Variants in WDPCP observed in about 807,000 individuals in gnomAD.
WDPCP encodes the protein WD repeat containing planar cell polarity effector.
Under a neutral mutation model 93.1 loss-of-function variants are expected in WDPCP, and 71 were observed. The observed-to-expected ratio is 0.76, with a 90% CI of 0.63 to 0.93. WDPCP has a LOEUF of 0.93. Ranked by LOEUF, WDPCP falls within the 40% of genes least tolerant of loss-of-function variation. The pLI, the probability that WDPCP is intolerant of heterozygous loss-of-function variation, is 0.00. For missense variants in WDPCP, 844 were observed against 887.4 expected (o/e 0.95, Z 0.62); for synonymous variants, 315 against 315.0 (o/e 1.00, Z 0.00).
At chr2:63,659,916 T>C (rs17039904) in intron 2 of WDPCP, among the ~76,000 whole-genome samples, 2,707 of 152,292 alleles carry the variant, frequency 0.018, 67 homozygotes, top group African/African-American at 0.059. Flanking sequence ...CTTTTCGTTT[T>C]AATAATCCAA....
chr2:63,330,166 C>T (rs1468967223), intron 12 of WDPCP, among the ~76,000 whole-genome samples: 1 of 152,150 alleles, frequency 6.6e-6, no homozygotes, highest in Non-Finnish European at 1.5e-5. Context: ...AACCTTTATA[C>T]TGTTTTCCAC....
chr2:63,605,789 G>C (rs1709515462), intron 3 of WDPCP: 9 of 685,044 alleles, frequency 1.3e-5, no homozygotes, highest in Non-Finnish European at 2.3e-5. Flanking sequence ...AAGTTACCTT[G>C]TCACCAGTAC....
At chr2:63,347,717 A>G (rs1186180433) in intron 12 of WDPCP, among the ~76,000 whole-genome samples, 2 of 126,940 alleles carry the variant, frequency 1.6e-5, no homozygotes, top group East Asian at 5.6e-4. Flanking sequence ...ATAACTTCTG[A>G]GAGGGGGAAA....
chr2:63,326,561 T>A (rs1687560283), intron 12 of WDPCP, among the ~76,000 whole-genome samples: 1 of 48,622 alleles, frequency 2.1e-5, no homozygotes. Flanking sequence ...AATGAGGGAG[T>A]CAGAAAGAAA....
intron 2 of WDPCP, among the ~76,000 whole-genome samples, chr2:63,750,257 T>G (rs1669861071): frequency 6.6e-6 from 1 of 152,080 alleles, no homozygotes; most frequent in Admixed American, 6.6e-5. Flanking sequence ...TTCTCTTGCC[T>G]CACAATTTTG....
chr2:63,759,166 C>T (rs1370029758), intron 2 of WDPCP, among the ~76,000 whole-genome samples: 1 of 152,098 alleles, frequency 6.6e-6, no homozygotes, highest in East Asian at 1.9e-4. Context: ...TACCATGAAG[C>T]TCATAAGGCA....
intron 3 of WDPCP, among the ~76,000 whole-genome samples, chr2:63,647,911 G>A (rs911287103): frequency 6.6e-6 from 1 of 151,934 alleles, no homozygotes; most frequent in African/African-American, 2.4e-5. Context: ...CCAGAAATGG[G>A]GCTCAAGAAT....
chr2:63,552,829 C>T (rs1705782548), intron 1 of WDPCP, among the ~76,000 whole-genome samples: 1 of 152,148 alleles, frequency 6.6e-6, no homozygotes, highest in Non-Finnish European at 1.5e-5. Context: ...AGATGAGTAG[C>T]AAACTTTTAG....
chr2:63,532,538 C>G (rs1026421493), intron 1 of WDPCP, among the ~76,000 whole-genome samples: 1 of 152,180 alleles, frequency 6.6e-6, no homozygotes, highest in Non-Finnish European at 1.5e-5. Context: ...AGCCAGAATA[C>G]AGTGGGGGCC....
intron 10 of WDPCP, among the ~76,000 whole-genome samples, chr2:63,391,301 T>A (rs1409025841): frequency 6.6e-6 from 1 of 152,116 alleles, no homozygotes; most frequent in Non-Finnish European, 1.5e-5. Flanking sequence ...CATATGATTA[T>A]CTCAATAGAT....
chr2:63,196,524 C>A (rs1293234656), intron 14 of WDPCP, among the ~76,000 whole-genome samples: 2 of 152,086 alleles, frequency 1.3e-5, no homozygotes, highest in Non-Finnish European at 2.9e-5. Context: ...CATTATATGA[C>A]AACTTAAAGC....
intron 14 of WDPCP, among the ~76,000 whole-genome samples, chr2:63,236,242 CA>C (rs943173144): frequency 2.0e-5 from 3 of 151,904 alleles, no homozygotes; most frequent in Non-Finnish European, 4.4e-5. Flanking sequence ...TAGCCACACA[CA>C]AAATAAAATA....
At chr2:63,565,091 A>G (rs544407508) in intron 1 of WDPCP, among the ~76,000 whole-genome samples, 2 of 152,280 alleles carry the variant, frequency 1.3e-5, no homozygotes, top group South Asian at 4.1e-4. Context: ...TGCACTTTTT[A>G]AAAAGATCAG....
At chr2:63,446,739 T>C (rs1279544228) in intron 6 of WDPCP, among the ~76,000 whole-genome samples, 1 of 152,180 alleles carries the variant, frequency 6.6e-6, no homozygotes, top group African/African-American at 2.4e-5. Context: ...CTAATGCTAC[T>C]TTTCAAGATT....
intron 14 of WDPCP, among the ~76,000 whole-genome samples, chr2:63,183,573 C>G (rs1674404764): frequency 6.6e-6 from 1 of 152,014 alleles, no homozygotes; most frequent in South Asian, 2.1e-4. Flanking sequence ...GAGAATGCTG[C>G]ATGCACTGAT....
intron 1 of WDPCP, among the ~76,000 whole-genome samples, chr2:63,555,874 C>A (rs995198528): frequency 1.7e-4 from 26 of 152,104 alleles, no homozygotes; most frequent in African/African-American, 6.3e-4. Context: ...AAGATTGAAG[C>A]TAGACAAACT....
chr2:63,735,700 AG>A (rs1669629414), intron 2 of WDPCP, among the ~76,000 whole-genome samples: 1 of 152,200 alleles, frequency 6.6e-6, no homozygotes, highest in East Asian at 1.9e-4. Flanking sequence ...ATGGTCCAAA[AG>A]AGAGAGACAC....
At chr2:63,463,288 G>T (rs559084412) in intron 6 of WDPCP, among the ~76,000 whole-genome samples, 1 of 152,042 alleles carries the variant, frequency 6.6e-6, no homozygotes, top group Non-Finnish European at 1.5e-5. Flanking sequence ...GGAAGATTTG[G>T]CTGTGTAATA....
At chr2:63,472,998 C>G (rs1017868308) in intron 6 of WDPCP, among the ~76,000 whole-genome samples, 1 of 152,158 alleles carries the variant, frequency 6.6e-6, no homozygotes, top group African/African-American at 2.4e-5. Context: ...TTTTCTGAAG[C>G]CTTAGACTTA....
Sources: allele counts gnomAD v4.1 joint callset (sites outside exome capture counted in the v4.1 genomes callset), GRCh38; gene constraint gnomAD v4.1.1; transcripts MANE v1.5; gene names NCBI Gene and HGNC (gene_info 2026-07-23, HGNC 2026-07-21).